CLEC16A: variants seen among roughly 807,000 people sequenced by gnomAD.
CLEC16A encodes the protein C-type lectin domain containing 16A.
A neutral mutation model predicts 109.5 loss-of-function variants in CLEC16A; 51 were observed. The observed-to-expected ratio is 0.47, with a 90% CI of 0.37 to 0.59. The LOEUF (loss-of-function observed/expected upper bound fraction) is 0.59. Ranked by LOEUF, CLEC16A falls within the 20% of genes least tolerant of loss-of-function variation. CLEC16A has a pLI of 0.00. For missense variants in CLEC16A, 1,339 were observed against 1,394.0 expected (o/e 0.96, Z 0.63); for synonymous variants, 673 against 564.2 (o/e 1.19, Z -2.73).
At chr16:11,104,485 C>G (rs1015175460) in intron 19 of CLEC16A, among the ~76,000 whole-genome samples, 5 of 152,154 alleles carry the variant, frequency 3.3e-5, no homozygotes, top group African/African-American at 1.2e-4. Flanking sequence ...GACCTCACCC[C>G]CTAAGGAAGG....
At chr16:11,166,824 G>A (rs548227678) in intron 23 of CLEC16A, among the ~76,000 whole-genome samples, 23 of 152,290 alleles carry the variant, frequency 1.5e-4, no homozygotes, top group East Asian at 1.4e-3. Flanking sequence ...GGCAGCAGGC[G>A]GGCTGCACCT....
At chr16:10,949,304 C>A (rs909850103) in intron 1 of CLEC16A, among the ~76,000 whole-genome samples, 3 of 152,088 alleles carry the variant, frequency 2.0e-5, no homozygotes, top group Non-Finnish European at 4.4e-5. Flanking sequence ...CCTAGGCTCC[C>A]ACTATGTCAC....
intron 6 of CLEC16A, among the ~76,000 whole-genome samples, 188 bp downstream of exon 6, chr16:10,972,747 T>G (rs1319450027): frequency 6.6e-6 from 1 of 152,192 alleles, no homozygotes; most frequent in Non-Finnish European, 1.5e-5. Context: ...AAGAACTGCC[T>G]TGATGACTAT....
At chr16:11,105,418 C>G (rs940971501) in intron 19 of CLEC16A, among the ~76,000 whole-genome samples, 1 of 152,194 alleles carries the variant, frequency 6.6e-6, no homozygotes, top group African/African-American at 2.4e-5. Flanking sequence ...GAGGCTGCCC[C>G]CATACATGTT....
Position 11,178,076 on chromosome 16 carries a change from A to G in CLEC16A, c.2807-259A>G, listed in dbSNP as rs977979047. ...CATAAGCCACATGCTGATTTTGCAC[A>G]GGCCCTGAATTTTCCCCTCATATCA... is the stretch of plus-strand genomic sequence containing the variant. On this transcript the variant is annotated intron_variant, in intron 23 of 23. Coordinates refer to ENST00000409790, the MANE Select transcript of CLEC16A (RefSeq NM_015226.3). This position sits in a 1 kb window ranked among gnomAD's most constrained non-coding sequence, Gnocchi z 6.5. 2.0e-5 allele frequency among the ~76,000 whole-genome samples: 3 copies of G among 152,174 alleles called. No individual in the cohort carries two copies. Among genetic ancestry groups the G allele is most frequent in the African/African-American group, 7.2e-5 (3 of 41,428 alleles).
intron 22 of CLEC16A, among the ~76,000 whole-genome samples, chr16:11,163,186 C>T (rs2054787350): frequency 6.6e-6 from 1 of 152,214 alleles, no homozygotes; most frequent in Non-Finnish European, 1.5e-5. Context: ...GGCGCTCTGG[C>T]CATAGACATT....
intron 22 of CLEC16A, among the ~76,000 whole-genome samples, chr16:11,137,977 G>A (rs774696387): frequency 6.6e-6 from 1 of 152,196 alleles, no homozygotes; most frequent in African/African-American, 2.4e-5. Flanking sequence ...GATTTTCCAC[G>A]TGGCCGTTTC....
chr16:10,961,653 G>C lies in CLEC16A; in HGVS notation c.210-802G>C, dbSNP rs929679078. 6.6e-6 allele frequency among the ~76,000 whole-genome samples: 1 copy of C among 152,200 alleles called. No homozygotes were observed. Among genetic ancestry groups the C allele is most frequent in the Non-Finnish European group, 1.5e-5 (1 of 68,034 alleles). On this transcript the variant is annotated intron_variant, in intron 2 of 23. Coordinates refer to ENST00000409790, the MANE Select transcript of CLEC16A (RefSeq NM_015226.3). This position sits in a 1 kb window ranked among gnomAD's most constrained non-coding sequence, Gnocchi z 4.3. ...AAGGAGAAAGGCAGAAACAGACCTGGGGATGGGTTAGTAGGGTTTCTCCAC... is the reference window on the plus strand; with the variant it reads ...AAGGAGAAAGGCAGAAACAGACCTGCGGATGGGTTAGTAGGGTTTCTCCAC...
rs141373911 is a variant in CLEC16A at position 11,167,982 on chromosome 16, C to T, written c.2806+1430C>T. 9.6e-4 allele frequency among the ~76,000 whole-genome samples: 147 copies of T among 152,334 alleles called. 1 individual carries two copies. Among genetic ancestry groups the T allele is most frequent in the African/African-American group, 3.4e-3 (143 of 41,568 alleles). ...TCATGCACCCCAACGCACATATTTA[C>T]CGTTGCACTGGGGATGAAAGCTTCC... On this transcript the variant is annotated intron_variant, in intron 23 of 23. Transcript: ENST00000409790.
chr16:10,985,411 G>C (rs1054646235), intron 10 of CLEC16A, among the ~76,000 whole-genome samples: 1 of 151,976 alleles, frequency 6.6e-6, no homozygotes, highest in Non-Finnish European at 1.5e-5. Context: ...ATCAATGCAC[G>C]TTTCTACGGG....
At chr16:11,005,666 G>T (rs1457242236) in intron 11 of CLEC16A, among the ~76,000 whole-genome samples, 1 of 152,192 alleles carries the variant, frequency 6.6e-6, no homozygotes, top group Non-Finnish European at 1.5e-5. Flanking sequence ...TTGATTATTT[G>T]TAAATGTGAA....
chr16:11,098,432 G>C (rs890239591), intron 19 of CLEC16A, among the ~76,000 whole-genome samples: 2 of 152,238 alleles, frequency 1.3e-5, no homozygotes, highest in Non-Finnish European at 2.9e-5. Context: ...TGTTGCTGCT[G>C]AGTCCCCTCC....
At chr16:11,086,515 T>G (rs1479030284) in intron 19 of CLEC16A, among the ~76,000 whole-genome samples, 1 of 152,166 alleles carries the variant, frequency 6.6e-6, no homozygotes, top group Non-Finnish European at 1.5e-5. Context: ...CAGATGGGGA[T>G]GGTGAGAGCC....
At chr16:11,129,532 C>T (rs1018513084) in intron 22 of CLEC16A, among the ~76,000 whole-genome samples, 4 of 152,220 alleles carry the variant, frequency 2.6e-5, no homozygotes, top group Non-Finnish European at 5.9e-5. Context: ...AAATGTCTTA[C>T]TATTTTTATG....
chr16:11,175,667 AGAG>A, intron 23 of CLEC16A, among the ~76,000 whole-genome samples: 1 of 152,250 alleles, frequency 6.6e-6, no homozygotes, highest in Admixed American at 6.5e-5. Flanking sequence ...CTATTTAAAA[AGAG>A]GCTACTTTTA....
chr16:11,162,234 C>T (rs2054748132), intron 22 of CLEC16A, among the ~76,000 whole-genome samples: 1 of 152,154 alleles, frequency 6.6e-6, no homozygotes, highest in Admixed American at 6.5e-5. Flanking sequence ...ACTGGGGGCT[C>T]CTGGGAAGTG....
intron 17 of CLEC16A, chr16:11,048,397 C>G (rs2047749800): frequency 1.3e-5 from 2 of 152,256 alleles, no homozygotes; most frequent in Admixed American, 1.3e-4. Flanking sequence ...ATCCCAGCAC[C>G]TGCCCTTGGC....
intron 19 of CLEC16A, among the ~76,000 whole-genome samples, chr16:11,085,453 G>A (rs546838997): frequency 4.6e-5 from 7 of 152,394 alleles, no homozygotes; most frequent in African/African-American, 1.7e-4. Flanking sequence ...ACGTGCGTGA[G>A]GCCTTGGCTG....
At chr16:11,067,321 A>G (rs4781035) in intron 19 of CLEC16A, among the ~76,000 whole-genome samples, 129,518 of 151,700 alleles carry the variant, frequency 0.85, 55,711 homozygotes, top group African/African-American at 0.96. Flanking sequence ...AACTCAGATG[A>G]CCACCGTGTT....
Sources: allele counts gnomAD v4.1 joint callset (sites outside exome capture counted in the v4.1 genomes callset), GRCh38; gene constraint gnomAD v4.1.1; non-coding constraint Gnocchi (gnomAD v3.1); transcripts MANE v1.5; gene names NCBI Gene and HGNC (gene_info 2026-07-23, HGNC 2026-07-21).